The following CAPZB variants were observed in gnomAD, a reference collection of about 807,000 sequenced individuals.
CAPZB encodes the protein capping actin protein of muscle Z-line subunit beta.
Under a neutral mutation model 38.1 loss-of-function variants are expected in CAPZB, and 2 were observed. The observed-to-expected ratio is 0.05, with a 90% CI of 0.02 to 0.17. The LOEUF (loss-of-function observed/expected upper bound fraction) is 0.17. Among genes scored for constraint, CAPZB ranks in the 10% least tolerant of loss-of-function variants. The pLI is 1.00. For missense variants in CAPZB, 161 were observed against 334.2 expected (o/e 0.48, Z 4.04); for synonymous variants, 107 against 127.4 (o/e 0.84, Z 1.08).
chr1:19,353,752 C>T (rs1334178739), intron 6 of CAPZB, among the ~76,000 whole-genome samples: 1 of 152,258 alleles, frequency 6.6e-6, no homozygotes, highest in African/African-American at 2.4e-5. Context: ...GAACACACCC[C>T]AGTGGCCAAG....
In CAPZB at chr1:19,469,612, G is replaced by A. The variant is rs375587873; in HGVS notation, c.3+15824C>T. On this transcript the variant is annotated intron_variant, in intron 1 of 8. Coordinates refer to ENST00000264202, the MANE Select transcript of CAPZB (RefSeq NM_004930.5). The stretch of plus-strand genomic sequence containing the variant: ...CTCTGGGGACAGGCAGTGAGGCGGC[G>A]GCCACGGAGAGAGCATTTGTCAGAG... 3.1e-4 allele frequency among the ~76,000 whole-genome samples: 47 copies of A among 152,102 alleles called. No individual in the cohort carries two copies. The East Asian group carries it at 7.4e-3, about 24-fold the overall frequency.
intron 1 of CAPZB, among the ~76,000 whole-genome samples, chr1:19,460,949 A>T (rs888121426): frequency 5.9e-5 from 9 of 152,032 alleles, no homozygotes; most frequent in African/African-American, 9.7e-5. Context: ...AGGTACCTAG[A>T]TCATTTACTG....
Position 19,426,013 on chromosome 1 carries a change from T to C in CAPZB, c.4-6263A>G, listed in dbSNP as rs553231062. Among the ~76,000 whole-genome samples the C allele has an allele frequency of 2.6e-5, 4 of 152,310 alleles. No individual in the cohort carries two copies. In the East Asian group the frequency reaches 7.7e-4, roughly 29 times the overall value. ...CAGGTTAGCCCTGGATAAGCAGGTG[T>C]GCCTTTCCAGGCAGCAGGTGCAGCA... On this transcript the variant is annotated intron_variant, in intron 1 of 8. Transcript: ENST00000264202.
intron 1 of CAPZB, among the ~76,000 whole-genome samples, chr1:19,450,834 A>G (rs531998177): frequency 6.6e-6 from 1 of 152,360 alleles, no homozygotes; most frequent in African/African-American, 2.4e-5. Flanking sequence ...ATGCAGACAC[A>G]TATACCACAT....
At chr1:19,401,892 G>A (rs1255490702) in intron 2 of CAPZB, among the ~76,000 whole-genome samples, 1 of 152,176 alleles carries the variant, frequency 6.6e-6, no homozygotes, top group Admixed American at 6.5e-5. Context: ...GGGAGCAGTG[G>A]TTTTCCCCAA....
intron 2 of CAPZB, among the ~76,000 whole-genome samples, chr1:19,417,191 C>G (rs1410417650): frequency 6.6e-6 from 1 of 152,000 alleles, no homozygotes; most frequent in Non-Finnish European, 1.5e-5. Context: ...TGAGGGAGTC[C>G]CGGAGAAAAG....
intron 2 of CAPZB, among the ~76,000 whole-genome samples, chr1:19,413,511 T>C (rs1268759480): frequency 6.6e-6 from 1 of 152,164 alleles, no homozygotes; most frequent in Non-Finnish European, 1.5e-5. Context: ...TTTTTTAATT[T>C]TTAGTAGAGA....
intron 8 of CAPZB, among the ~76,000 whole-genome samples, chr1:19,341,448 G>T (rs1452831954): frequency 6.6e-6 from 1 of 152,054 alleles, no homozygotes; most frequent in Admixed American, 6.5e-5. Context: ...GAAGGAGAAA[G>T]TTCCAGAGCT....
chr1:19,425,368 C>G (rs962333481), intron 1 of CAPZB, among the ~76,000 whole-genome samples: 2 of 150,760 alleles, frequency 1.3e-5, no homozygotes, highest in African/African-American at 4.9e-5. Context: ...AGGTAACAAG[C>G]ACTGTTTCTG....
intron 1 of CAPZB, among the ~76,000 whole-genome samples, chr1:19,461,624 G>C (rs1255406704): frequency 3.3e-5 from 5 of 152,182 alleles, no homozygotes; most frequent in Admixed American, 6.5e-5. Flanking sequence ...ATCTATTTTT[G>C]TAAAAACCTG....
Position 19,348,027 on chromosome 1 carries a change from A to G in CAPZB, c.589-2775T>C, listed in dbSNP as rs533980426. Among the ~76,000 whole-genome samples, 8 of 152,326 alleles carry G rather than the reference A, an allele frequency of 5.3e-5. No individual in the cohort carries two copies. The South Asian group carries it at 1.7e-3, about 32-fold the overall frequency. On this transcript the variant is annotated intron_variant, in intron 6 of 8. Transcript: ENST00000264202. ...CTATGAAGAGACTTGTGGTTTTTAG[A>G]TAATTTCAAGTTTGACAAGGATGAG...
At chr1:19,444,592 T>A (rs753525003) in intron 1 of CAPZB, among the ~76,000 whole-genome samples, 2 of 152,200 alleles carry the variant, frequency 1.3e-5, no homozygotes, top group Non-Finnish European at 2.9e-5. Context: ...CTGGCTGTTC[T>A]GCCACTCCCC....
At chr1:19,477,050 G>A (rs969244488) in intron 1 of CAPZB, among the ~76,000 whole-genome samples, 20 of 152,216 alleles carry the variant, frequency 1.3e-4, no homozygotes, top group Admixed American at 6.5e-4. Context: ...TGCAAAATGA[G>A]GAAACAGACC....
At chr1:19,366,283 A>AAT (rs201882034) in intron 4 of CAPZB, among the ~76,000 whole-genome samples, 3,138 of 60,382 alleles carry the variant, frequency 0.052, 157 homozygotes, top group East Asian at 0.12. Flanking sequence ...CGTGTCTTAA[A>AAT]ATATATATAT....
intron 8 of CAPZB, among the ~76,000 whole-genome samples, chr1:19,341,360 C>T (rs115283891): frequency 3.5e-4 from 53 of 152,224 alleles, no homozygotes; most frequent in South Asian, 8.3e-4. Context: ...CAGCAGCGCA[C>T]AGGACCTCTA....
intron 2 of CAPZB, among the ~76,000 whole-genome samples, chr1:19,403,644 G>C (rs146157031): frequency 6.6e-6 from 1 of 152,382 alleles, no homozygotes; most frequent in African/African-American, 2.4e-5. Context: ...ATGCAGAGCA[G>C]GCAGGGGATG....
At chr1:19,344,809 A>T (rs955463602) in intron 7 of CAPZB, among the ~76,000 whole-genome samples, 2 of 152,218 alleles carry the variant, frequency 1.3e-5, no homozygotes, top group Non-Finnish European at 2.9e-5. Context: ...CAGGAGGGCC[A>T]AGGCAGCCGC....
intron 1 of CAPZB, among the ~76,000 whole-genome samples, chr1:19,422,350 C>A (rs959369565): frequency 6.6e-6 from 1 of 152,140 alleles, no homozygotes; most frequent in Admixed American, 6.5e-5. Flanking sequence ...AGAGTTAAGG[C>A]TGAGAAGCCC....
At chr1:19,386,465 G>A (rs866471905) in intron 2 of CAPZB, among the ~76,000 whole-genome samples, 1 of 152,216 alleles carries the variant, frequency 6.6e-6, no homozygotes, top group African/African-American at 2.4e-5. Flanking sequence ...TTTGTTTCAT[G>A]GGCCTGGGTT....
Sources: gnomAD v4.1 joint callset for allele counts (sites outside exome capture counted in the v4.1 genomes callset) on GRCh38, gnomAD v4.1.1 for gene constraint, MANE v1.5 for transcripts, NCBI Gene and HGNC (gene_info 2026-07-23, HGNC 2026-07-21) for gene names.